NRG1: variants seen among roughly 807,000 people sequenced by gnomAD.
The protein encoded by NRG1 is pro-neuregulin-1, membrane-bound isoform.
A neutral mutation model predicts 63.8 loss-of-function variants in NRG1; 18 were observed. The observed-to-expected ratio is 0.28, with a 90% CI of 0.19 to 0.42. The LOEUF is 0.42. Among genes scored for constraint, NRG1 ranks in the 10% least tolerant of loss-of-function variants. The probability of loss-of-function intolerance (pLI) is 1.00; values close to 1 mark genes in which losing one functional copy is unlikely to be tolerated. For synonymous variants in NRG1, 302 were observed against 301.3 expected (o/e 1.00, Z -0.02); for missense variants, 762 against 814.7 (o/e 0.94, Z 0.79).
intron 1 of NRG1, among the ~76,000 whole-genome samples, chr8:32,366,713 A>ATATATC (rs1358090122): frequency 1.5e-4 from 13 of 87,274 alleles, no homozygotes; most frequent in Admixed American, 3.8e-4. Flanking sequence ...ATATATATAT[A>ATATATC]TCTCACTTTT....
At chr8:31,677,625 T>C (rs1396755442) in intron 1 of NRG1, among the ~76,000 whole-genome samples, 4 of 152,132 alleles carry the variant, frequency 2.6e-5, no homozygotes, top group African/African-American at 9.7e-5. Flanking sequence ...CAACATACAG[T>C]ATACTTCCAA....
intron 1 of NRG1, among the ~76,000 whole-genome samples, chr8:32,282,054 G>A (rs1286243036): frequency 2.6e-5 from 4 of 152,148 alleles, no homozygotes; most frequent in African/African-American, 9.7e-5. Flanking sequence ...GAGTCTGGTG[G>A]GCTATGAATT....
intron 1 of NRG1, among the ~76,000 whole-genome samples, chr8:32,333,220 T>C (rs556172010): frequency 6.6e-6 from 1 of 152,346 alleles, no homozygotes; most frequent in African/African-American, 2.4e-5. Context: ...CTCATTGGTG[T>C]TTCAAAAACA....
At chr8:31,894,022 T>G (rs985749287) in intron 1 of NRG1, among the ~76,000 whole-genome samples, 1 of 152,104 alleles carries the variant, frequency 6.6e-6, no homozygotes, top group African/African-American at 2.4e-5. Context: ...CCAAAAAATG[T>G]TTAGAGAAAA....
chr8:32,000,179 G>A (rs1347994220), intron 1 of NRG1, among the ~76,000 whole-genome samples: 1 of 151,972 alleles, frequency 6.6e-6, no homozygotes, highest in Admixed American at 6.6e-5. Flanking sequence ...AAACAGTAAA[G>A]GTTTTGAACT....
intron 1 of NRG1, among the ~76,000 whole-genome samples, chr8:32,448,746 C>T (rs564771735): frequency 3.9e-5 from 6 of 152,258 alleles, no homozygotes; most frequent in South Asian, 2.1e-4. Flanking sequence ...CACCTCCTGA[C>T]GCCCCCAGGG....
At chr8:32,332,828 G>A (rs1802815207) in intron 1 of NRG1, among the ~76,000 whole-genome samples, 1 of 152,060 alleles carries the variant, frequency 6.6e-6, no homozygotes, top group Non-Finnish European at 1.5e-5. Flanking sequence ...AGAAGACTGT[G>A]TTTTACTCAC....
intron 5 of NRG1, among the ~76,000 whole-genome samples, chr8:32,658,725 T>C (rs1802105418): frequency 6.6e-6 from 1 of 152,202 alleles, no homozygotes; most frequent in Non-Finnish European, 1.5e-5. Context: ...CCAGGTCACT[T>C]TGCAACCAGT....
At chr8:32,572,461 TAAG>T (rs1192525168) in intron 1 of NRG1, among the ~76,000 whole-genome samples, 3 of 152,178 alleles carry the variant, frequency 2.0e-5, no homozygotes, top group Non-Finnish European at 4.4e-5. Context: ...TTCATTCCTC[TAAG>T]AATAATAATC....
intron 1 of NRG1, among the ~76,000 whole-genome samples, chr8:32,552,681 A>G (rs764171862): frequency 1.3e-5 from 2 of 152,232 alleles, no homozygotes; most frequent in Non-Finnish European, 2.9e-5. Context: ...GTAATTATTA[A>G]AAACATTAAA....
At chr8:31,768,138 G>C (rs1312035931) in intron 1 of NRG1, among the ~76,000 whole-genome samples, 2 of 152,118 alleles carry the variant, frequency 1.3e-5, no homozygotes, top group Non-Finnish European at 2.9e-5. Flanking sequence ...GAGAGAAGGA[G>C]TTATATTTTT....
intron 1 of NRG1, among the ~76,000 whole-genome samples, chr8:32,329,371 A>C (rs1292357754): frequency 6.6e-6 from 1 of 152,220 alleles, no homozygotes; most frequent in East Asian, 1.9e-4. Context: ...GGATTCCAAA[A>C]TGTAGATTAT....
chr8:32,719,943 T>C (rs900661655), intron 5 of NRG1, among the ~76,000 whole-genome samples: 3 of 152,132 alleles, frequency 2.0e-5, no homozygotes, highest in Admixed American at 6.5e-5. Flanking sequence ...ATTGACTTTC[T>C]AATTTCATCA....
rs74892220 is a variant in NRG1, at chr8:32,247,761, A to G, written c.38-348067A>G. 3.3e-3 allele frequency among the ~76,000 whole-genome samples: 508 copies of G among 152,278 alleles called. 2 individuals are homozygous for G. The highest frequency in any genetic ancestry group is 0.012 in the African/African-American group (480 of 41,566). ...TTTCAAAAGGGAGAAGACTTTATTAAATAAGCAAGGACGTGATAAACTCAA... is the reference window on the plus strand; with the variant it reads ...TTTCAAAAGGGAGAAGACTTTATTAGATAAGCAAGGACGTGATAAACTCAA... On this transcript the variant is annotated intron_variant, in intron 1 of 10. Transcript: ENST00000519301.
chr8:32,393,417 T>A (rs1181842136), intron 1 of NRG1, among the ~76,000 whole-genome samples: 1 of 152,132 alleles, frequency 6.6e-6, no homozygotes, highest in Non-Finnish European at 1.5e-5. Context: ...TGTTCTACCA[T>A]AAAAACACAC....
chr8:31,848,162 A>G (rs1012020834), intron 1 of NRG1, among the ~76,000 whole-genome samples: 12 of 152,200 alleles, frequency 7.9e-5, no homozygotes, highest in African/African-American at 2.9e-4. Flanking sequence ...GAAATACCAG[A>G]TAGTTCTTAT....
intron 5 of NRG1, among the ~76,000 whole-genome samples, chr8:32,643,575 C>T (rs1026973356): frequency 5.3e-5 from 8 of 152,258 alleles, no homozygotes; most frequent in South Asian, 2.1e-4. Context: ...TCAAATGAAG[C>T]GGAAGAACCA....
intron 1 of NRG1, among the ~76,000 whole-genome samples, chr8:31,648,720 G>A (rs186753554): frequency 1.3e-5 from 2 of 152,114 alleles, no homozygotes; most frequent in African/African-American, 2.4e-5. Context: ...TCATGTTGTA[G>A]CATATGTCAG....
chr8:32,052,576 T>G (rs150469502), intron 1 of NRG1, among the ~76,000 whole-genome samples: 1 of 152,294 alleles, frequency 6.6e-6, no homozygotes, highest in African/African-American at 2.4e-5. Flanking sequence ...CGTATTCACC[T>G]TAGAGATTTA....
Sources: gnomAD v4.1 joint callset for allele counts (sites outside exome capture counted in the v4.1 genomes callset) on GRCh38, gnomAD v4.1.1 for gene constraint, MANE v1.5 for transcripts, NCBI Gene and HGNC (gene_info 2026-07-23, HGNC 2026-07-21) for gene names.